MEF2C: variants seen among roughly 807,000 people sequenced by gnomAD.
MEF2C encodes the protein myocyte enhancer factor 2C.
MEF2C carries 6 observed loss-of-function variants against 50.5 expected under a neutral mutation model. The observed-to-expected ratio is 0.12, with a 90% CI of 0.07 to 0.23. The LOEUF (loss-of-function observed/expected upper bound fraction) is 0.23. Ranked by LOEUF, MEF2C falls within the 10% of genes least tolerant of loss-of-function variation. MEF2C has a pLI of 1.00. For synonymous variants in MEF2C, 183 were observed against 228.0 expected (o/e 0.80, Z 1.78); for missense variants, 276 against 605.0 (o/e 0.46, Z 5.70).
chr5:88,880,301 T>C (rs1024920314), intron 1 of MEF2C, among the ~76,000 whole-genome samples: 2 of 152,190 alleles, frequency 1.3e-5, no homozygotes, highest in African/African-American at 2.4e-5. Flanking sequence ...CAGTTCATCT[T>C]GTGACCATTA....
At chr5:88,819,399 G>A (rs1421141452) in intron 2 of MEF2C, 3 of 984,694 alleles carry the variant, frequency 3.0e-6, no homozygotes, top group Non-Finnish European at 3.6e-6. Context: ...AAAGCTTTGC[G>A]ATATCTGGGT....
At chr5:88,724,649 T>G (rs1201929712) in intron 10 of MEF2C, among the ~76,000 whole-genome samples, 1 of 152,140 alleles carries the variant, frequency 6.6e-6, no homozygotes, top group Non-Finnish European at 1.5e-5. Context: ...TCTATCAGTT[T>G]ACTAATTTTC....
chr5:88,739,289 C>A (rs1765434366), intron 6 of MEF2C: 1 of 983,784 alleles, frequency 1.0e-6, no homozygotes. Context: ...AGCTGGACCT[C>A]TGAAGTATCA....
intron 1 of MEF2C, among the ~76,000 whole-genome samples, chr5:88,869,303 A>ATATATATACG (rs1828735239): frequency 9.5e-6 from 1 of 105,554 alleles, no homozygotes; most frequent in Non-Finnish European, 1.9e-5. Context: ...ATACACATAT[A>ATATATATACG]TATATATATA....
chr5:88,751,820 A>G (rs376159246), intron 5 of MEF2C, 37 bp downstream of exon 5: 11 of 1,597,450 alleles, frequency 6.9e-6, no homozygotes, highest in Non-Finnish European at 8.6e-6. Flanking sequence ...GGTTCCTTCC[A>G]ACTATTTGTT....
intron 1 of MEF2C, among the ~76,000 whole-genome samples, chr5:88,857,193 A>T (rs1223883111): frequency 6.6e-6 from 1 of 152,162 alleles, no homozygotes; most frequent in African/African-American, 2.4e-5. Flanking sequence ...AAGCTTAATG[A>T]CTGTCCTACT....
chr5:88,729,282 A>C lies in MEF2C; in HGVS notation c.900T>G (p.Thr300=). 1 of 1,613,068 alleles carries C rather than the reference A, an allele frequency of 6.2e-7. No homozygotes were observed. The highest frequency in any genetic ancestry group is 8.5e-7 in the Non-Finnish European group (1 of 1,179,382). The change falls in exon 9 of 11, where the codon ACT becomes ACG. Residue 300 remains threonine, a synonymous_variant. Coordinates refer to ENST00000504921, the MANE Select transcript of MEF2C (RefSeq NM_002397.5). The part of the protein sequence containing the change: ...SLATPVVSVA[T]PTLPGQGMGG... ...CCATTCCTTGTCCTGGTAAAGTAGG[A>C]GTTGCTACGGAAACCACTGGGGTAG...
chr5:88,851,383 T>TGA, intron 1 of MEF2C, among the ~76,000 whole-genome samples: 1 of 152,240 alleles, frequency 6.6e-6, no homozygotes, highest in Middle Eastern at 3.4e-3. Context: ...TATATACAAA[T>TGA]CTTCAACTGC....
intron 1 of MEF2C, among the ~76,000 whole-genome samples, chr5:88,863,584 C>T (rs948662932): frequency 6.6e-6 from 1 of 152,112 alleles, no homozygotes; most frequent in African/African-American, 2.4e-5. Flanking sequence ...GAACTTATTC[C>T]TCCTCCTGTC....
intron 4 of MEF2C, among the ~76,000 whole-genome samples, chr5:88,757,056 T>A (rs1028619546): frequency 5.7e-4 from 86 of 152,132 alleles, no homozygotes; most frequent in South Asian, 4.1e-4. Flanking sequence ...TGCAGCCCTA[T>A]GAGAACAGGG....
chr5:88,792,419 G>A (rs755672701), intron 3 of MEF2C, among the ~76,000 whole-genome samples: 1 of 152,128 alleles, frequency 6.6e-6, no homozygotes, highest in South Asian at 2.1e-4. Flanking sequence ...AGAGTCTCTC[G>A]AAGTGAACAT....
chr5:88,734,765 C>A (rs1368276295), intron 6 of MEF2C: 2 of 981,268 alleles, frequency 2.0e-6, no homozygotes, highest in Non-Finnish European at 2.4e-6. Flanking sequence ...ATTTTAAAAG[C>A]CTTCTATTTT....
At chr5:88,781,975 A>G (rs1445529672) in intron 3 of MEF2C, 1 of 314,572 alleles carries the variant, frequency 3.2e-6, no homozygotes, top group African/African-American at 2.3e-5. Context: ...TCTGTCAAAA[A>G]CAAAACAAAA....
At position 88,788,178 on chromosome 5, in the gene MEF2C, G is replaced by GTTTGTTTA. The variant is rs71613095; in HGVS notation, c.258+16419_258+16420insTAAACAAA. 7.9e-3 allele frequency among the ~76,000 whole-genome samples: 709 copies of GTTTGTTTA among 89,198 alleles called. 4 individuals carry two copies. Among genetic ancestry groups the GTTTGTTTA allele is most frequent in the Non-Finnish European group, 0.011 (420 of 37,668 alleles). 58.5% of individuals were successfully genotyped at this position (89,198 alleles called of 152,430 possible). On this transcript the variant is annotated intron_variant, in intron 3 of 10. Coordinates refer to ENST00000504921, the MANE Select transcript of MEF2C (RefSeq NM_002397.5). ...AACCATCATGCCAGTTTGTTTGTTT[G>GTTTGTTTA]TTTATTTATTTATTTATTTATTTAT... is the stretch of plus-strand genomic sequence containing the variant.
chr5:88,789,949 G>A (rs1792933541), intron 3 of MEF2C, among the ~76,000 whole-genome samples: 1 of 152,140 alleles, frequency 6.6e-6, no homozygotes, highest in African/African-American at 2.4e-5. Flanking sequence ...AGAAAATAAT[G>A]AAAAAGTTAT....
Position 88,815,932 on chromosome 5 carries a change from G to A in MEF2C, c.54+7803C>T, listed in dbSNP as rs375315562. ...GCATTTGCAAAGCTAAAGGTGACTT[G>A]TAGCAGACAGAGTGGTGTGTGCATG... On this transcript the variant is annotated intron_variant, in intron 2 of 10. Transcript: ENST00000504921. Among the ~76,000 whole-genome samples the A allele has an allele frequency of 9.3e-4, 142 of 152,170 alleles. 5 individuals are homozygous for A. The South Asian group carries it at 0.029, about 31-fold the overall frequency.
intron 1 of MEF2C, among the ~76,000 whole-genome samples, chr5:88,894,827 T>G (rs1441253392): frequency 3.3e-5 from 5 of 152,208 alleles, no homozygotes; most frequent in Admixed American, 3.3e-4. Flanking sequence ...ATAGATCATG[T>G]ATAAACAGCA....
At chr5:88,872,964 C>T (rs1380420219) in intron 1 of MEF2C, among the ~76,000 whole-genome samples, 1 of 151,930 alleles carries the variant, frequency 6.6e-6, no homozygotes, top group Admixed American at 6.6e-5. Context: ...CTTGTTTAAA[C>T]GATCTTCTCT....
chr5:88,870,373 CTT>C (rs1385985239), intron 1 of MEF2C, among the ~76,000 whole-genome samples: 2 of 151,996 alleles, frequency 1.3e-5, no homozygotes, highest in Non-Finnish European at 1.5e-5. Context: ...CTCAGTTACT[CTT>C]TAAAAAAACC....
Sources: allele counts gnomAD v4.1 joint callset (sites outside exome capture counted in the v4.1 genomes callset), GRCh38; gene constraint gnomAD v4.1.1; transcripts MANE v1.5; gene names NCBI Gene and HGNC (gene_info 2026-07-23, HGNC 2026-07-21).